The following MLLT6 variants were observed in gnomAD, a reference collection of about 807,000 sequenced individuals.
MLLT6 encodes the protein MLLT6, PHD finger containing, also known as protein AF-17.
A neutral mutation model predicts 103.0 loss-of-function variants in MLLT6; 22 were observed. The ratio of observed to expected loss-of-function variants is 0.21; its 90% confidence interval spans 0.15 to 0.31. The LOEUF (loss-of-function observed/expected upper bound fraction) is 0.31, where lower values mean the gene tolerates loss of function less well. Among genes scored for constraint, MLLT6 ranks in the 10% least tolerant of loss-of-function variants. MLLT6 has a pLI of 1.00. For missense variants in MLLT6, 1,199 were observed against 1,441.7 expected (o/e 0.83, Z 2.73); for synonymous variants, 606 against 623.5 (o/e 0.97, Z 0.42).
At chr17:38,712,445 A>G (rs1261423863) in intron 7 of MLLT6, among the ~76,000 whole-genome samples, 3 of 152,164 alleles carry the variant, frequency 2.0e-5, no homozygotes, top group African/African-American at 4.8e-5. Context: ...GTGGTGCTCT[A>G]TAGCACTGGC....
At position 38,728,061 on chromosome 17, in the gene MLLT6, C is replaced by G; in HGVS notation, c.*2463C>G. On this transcript the variant is annotated 3_prime_UTR_variant, in exon 20 of 20. Coordinates refer to ENST00000621332, the MANE Select transcript of MLLT6 (RefSeq NM_005937.4). ...GGCTGGGGTTCTCATCTCCAAGTGG[C>G]TGTTCTCCAACTTTCCCAAGCCGCT... is the stretch of plus-strand genomic sequence containing the variant. 4.3e-6 allele frequency: 1 copy of G among 233,312 alleles called. No individual in the cohort carries two copies. Among genetic ancestry groups the G allele is most frequent in the African/African-American group, 2.2e-5 (1 of 45,472 alleles). 14.5% of individuals were successfully genotyped at this position (233,312 alleles called of 1,614,324 possible). A position where few individuals can be genotyped will look rare whatever the true frequency, so the allele number is the denominator to read the frequency against.
Position 38,717,666 on chromosome 17 carries a change from G to A in MLLT6, c.1833+53G>A, listed in dbSNP as rs1905423056. 11 of 1,569,728 alleles carry A rather than the reference G, an allele frequency of 7.0e-6. 1 individual carries two copies. In the Admixed American group the frequency reaches 1.3e-4, roughly 18 times the overall value. On this transcript the variant is annotated intron_variant, in intron 11 of 19. Transcript: ENST00000621332. ...TCCCTGGGCAGGTTGGGGACAGACT[G>A]ACAGAGGACCCCAGCCTTCCATGGG...
chr17:38,713,175 C>T, intron 8 of MLLT6: 9 of 626,430 alleles, frequency 1.4e-5, no homozygotes, highest in Middle Eastern at 4.2e-4. Flanking sequence ...ACACCCAAAG[C>T]TTGTCACCCA....
At chr17:38,707,242 T>C (rs1904970325) in intron 2 of MLLT6, among the ~76,000 whole-genome samples, 1 of 152,192 alleles carries the variant, frequency 6.6e-6, no homozygotes, top group South Asian at 2.1e-4. Flanking sequence ...TTGGTTTTTG[T>C]CTGTTTGAAC....
At chr17:38,720,860 T>C (rs779139071) in intron 16 of MLLT6, 113 bp downstream of exon 16, 1 of 896,464 alleles carries the variant, frequency 1.1e-6, no homozygotes, top group East Asian at 2.6e-5. Context: ...GACTGAGCAA[T>C]TGATTGATCC....
Position 38,715,742 on chromosome 17 carries a change from G to A in MLLT6, c.950G>A (p.Ser317Asn). Residue 317 changes from serine (S) to asparagine (N), a missense_variant, in exon 9 of 20, where the codon AGT (serine) becomes AAT (asparagine). Physicochemically the swap from Ser to Asn is conservative, Grantham distance 46. Coordinates refer to ENST00000621332, the MANE Select transcript of MLLT6 (RefSeq NM_005937.4). ...SLSHKGKKLSSGKGVSSFTSA... is the reference protein window; with the variant it reads ...SLSHKGKKLSNGKGVSSFTSA... ...AGTCATAAAGGGAAGAAACTGAGCAGTGGGAAAGGTGTGAGCAGTTTTACC... is the reference window on the plus strand; with the variant it reads ...AGTCATAAAGGGAAGAAACTGAGCAATGGGAAAGGTGTGAGCAGTTTTACC... 1 of 1,614,148 alleles carries A rather than the reference G, an allele frequency of 6.2e-7. No homozygotes were observed. Among genetic ancestry groups the A allele is most frequent in the Non-Finnish European group, 8.5e-7 (1 of 1,180,006 alleles).
At chr17:38,706,228 G>C (rs1463244691) in intron 1 of MLLT6, 2 of 152,486 alleles carry the variant, frequency 1.3e-5, no homozygotes, top group South Asian at 4.1e-4. Flanking sequence ...AAGAGCTAAG[G>C]ATAGGAGAGA....
chr17:38,720,312 GTCCCCT>G, intron 14 of MLLT6, 54 bp from the exon 15 acceptor site: 1 of 445,630 alleles, frequency 2.2e-6, no homozygotes, highest in Non-Finnish European at 4.2e-6. Context: ...CCCGCCCCCG[GTCCCCT>G]GGCCCCGCCT....
chr17:38,719,396 G>A, intron 12 of MLLT6, 121 bp from the exon 13 acceptor site: 1 of 927,650 alleles, frequency 1.1e-6, no homozygotes, highest in Non-Finnish European at 1.7e-6. Flanking sequence ...CCAGTGTGGG[G>A]TTGGGGATTC....
Position 38,709,239 on chromosome 17 carries a change from A to G in MLLT6, c.421A>G (p.Asn141Asp), listed in dbSNP as rs748206452. The change falls in exon 5 of 20, where the codon AAC becomes GAC. Residue 141 changes from asparagine to aspartate, a missense_variant. Asn to Asp is a conservative substitution (Grantham distance 23). Around this residue, in one of 7 missense-constraint regions of MLLT6, gnomAD observed 59 missense variants for 135.1 expected, o/e 0.44. Coordinates refer to ENST00000621332, the MANE Select transcript of MLLT6 (RefSeq NM_005937.4). The surrounding 1 kb of genome is among the most constrained non-coding windows in gnomAD (Gnocchi z 4.3). ...KAASGACMTCNRHGCRQAFHV... is the reference protein window; with the variant it reads ...KAASGACMTCDRHGCRQAFHV... ...GGCCTCGGGAGCCTGCATGACCTGTAACCGCCATGGATGTCGACAAGCTTT... is the reference window on the plus strand; with the variant it reads ...GGCCTCGGGAGCCTGCATGACCTGTGACCGCCATGGATGTCGACAAGCTTT... The G allele has an allele frequency of 3.3e-5, 54 of 1,613,582 alleles. No individual in the cohort carries two copies. The highest frequency in any genetic ancestry group is 5.1e-6 in the Non-Finnish European group (6 of 1,179,818).
chr17:38,706,165 G>A (rs1460454464), intron 1 of MLLT6: 1 of 151,968 alleles, frequency 6.6e-6, no homozygotes, highest in Admixed American at 6.6e-5. Flanking sequence ...AGCGGACTTG[G>A]AAAGGGAAGA....
Position 38,728,337 on chromosome 17 carries a change from T to A in MLLT6, c.*2739T>A. On this transcript the variant is annotated 3_prime_UTR_variant, in exon 20 of 20. Transcript: ENST00000621332. ...CTAACCTCAGTCCCTTTTTTGAGAG[T>A]GAATGGTGGAGGGTGGGAAGGGACC... is the stretch of plus-strand genomic sequence containing the variant. The A allele has an allele frequency of 4.3e-6, 1 of 232,596 alleles. No individual in the cohort carries two copies. Among genetic ancestry groups the A allele is most frequent in the Non-Finnish European group, 8.5e-6 (1 of 117,880 alleles). The allele number at this position is 232,596 out of a possible 1,614,324, so 14.4% of individuals were successfully genotyped here.
intron 8 of MLLT6, 137 bp from the exon 9 acceptor site, chr17:38,715,475 C>T: frequency 2.9e-6 from 4 of 1,402,266 alleles, no homozygotes; most frequent in Non-Finnish European, 3.7e-6. Context: ...CCACTCCCTG[C>T]CCGGAAGTCC....
Position 38,729,386 on chromosome 17 carries a change from G to C in MLLT6, c.*3788G>C, listed in dbSNP as rs558921989. On this transcript the variant is annotated 3_prime_UTR_variant, in exon 20 of 20. Coordinates refer to ENST00000621332, the MANE Select transcript of MLLT6 (RefSeq NM_005937.4). The stretch of plus-strand genomic sequence containing the variant: ...AGGATTGAGAGTGTGTCTAGCTCCC[G>C]ACCACTTTGTCTTGACCTACTGAAA... 1.7e-5 allele frequency: 4 copies of C among 233,282 alleles called. No homozygotes were observed. The highest frequency in any genetic ancestry group is 3.4e-5 in the Non-Finnish European group (4 of 118,040). 14.5% of individuals were successfully genotyped at this position (233,282 alleles called of 1,614,324 possible).
At chr17:38,717,720 C>A in intron 11 of MLLT6, 107 bp downstream of exon 11, 1 of 1,420,190 alleles carries the variant, frequency 7.0e-7, no homozygotes, top group Non-Finnish European at 9.8e-7. Context: ...GAGTTGCCAT[C>A]AGACCACCCT....
In MLLT6 at chr17:38,705,503, A is replaced by AGCG; in HGVS notation, c.-119_-117dup. On this transcript the variant is annotated 5_prime_UTR_variant, in exon 1 of 20. Transcript: ENST00000621332. Reference sequence around the variant, plus strand: ...GAGGAAGGAGGAGGCAAAGAAAAGAAGCGGCGGCGGCGGAGGGAGAGGAGG... The same window carrying AGCG: ...GAGGAAGGAGGAGGCAAAGAAAAGAAGCGGCGGCGGCGGCGGAGGGAGAGGAGG... 1 of 473,450 alleles carries AGCG rather than the reference A, an allele frequency of 2.1e-6. No individual in the cohort carries two copies. The highest frequency in any genetic ancestry group is 2.8e-5 in the South Asian group (1 of 36,086). 29.3% of individuals were successfully genotyped at this position (473,450 alleles called of 1,614,324 possible). A position where few individuals can be genotyped will look rare whatever the true frequency, so the allele number is the denominator to read the frequency against.
At position 38,722,656 on chromosome 17, in the gene MLLT6, CCA is replaced by C; in HGVS notation, c.2793-20_2793-19del. On this transcript the variant is annotated intron_variant, in intron 17 of 19. Transcript: ENST00000621332. ...CCATGGTCTGTGTGTTGTCCCCCCC[CCA>C]CCCCCCACCCCCACCTCAGCCTTAC... The C allele has an allele frequency of 1.7e-4, 78 of 462,788 alleles. No homozygotes were observed. Among genetic ancestry groups the C allele is most frequent in the Non-Finnish European group, 2.9e-4 (72 of 246,650 alleles). 28.7% of individuals were successfully genotyped at this position (462,788 alleles called of 1,614,324 possible).
intron 4 of MLLT6, 73 bp downstream of exon 4, chr17:38,707,945 G>T (rs1018634055): frequency 5.1e-6 from 5 of 976,812 alleles, no homozygotes; most frequent in Non-Finnish European, 8.0e-6. Flanking sequence ...CTCTTCATCC[G>T]GTGTAATTTG....
intron 8 of MLLT6, chr17:38,714,439 G>C (rs1905245512): frequency 6.6e-6 from 1 of 152,278 alleles, no homozygotes; most frequent in Admixed American, 6.5e-5. Context: ...ACTTTGCACA[G>C]TATAACATGG....
Sources: allele counts gnomAD v4.1 joint callset (sites outside exome capture counted in the v4.1 genomes callset), GRCh38; gene constraint gnomAD v4.1.1; regional missense constraint gnomAD v4.1.1; non-coding constraint Gnocchi (gnomAD v3.1); transcripts MANE v1.5; gene names NCBI Gene and HGNC (gene_info 2026-07-23, HGNC 2026-07-21).